The following ZNF148 variants were observed in gnomAD, a reference collection of about 807,000 sequenced individuals.
ZNF148 encodes the protein Beta-Enolase Repressor Factor-1.
ZNF148 carries 7 observed loss-of-function variants against 67.7 expected under a neutral mutation model. The observed-to-expected ratio is 0.10, with a 90% confidence interval of 0.06 to 0.19. The LOEUF (loss-of-function observed/expected upper bound fraction) is 0.19, where lower values mean the gene tolerates loss of function less well. Ranked by LOEUF, ZNF148 falls within the 10% of genes least tolerant of loss-of-function variation. ZNF148 has a pLI of 1.00. For missense variants in ZNF148, 583 were observed against 947.1 expected (o/e 0.62, Z 5.05); for synonymous variants, 333 against 330.7 (o/e 1.01, Z -0.08).
At chr3:125,312,079 T>G (rs1044494792) in intron 4 of ZNF148, among the ~76,000 whole-genome samples, 6 of 152,212 alleles carry the variant, frequency 3.9e-5, no homozygotes, top group African/African-American at 1.2e-4. Flanking sequence ...GAATACTTGC[T>G]AATTTATTCT....
intron 1 of ZNF148, among the ~76,000 whole-genome samples, chr3:125,343,387 T>A (rs1396475432): frequency 6.6e-6 from 1 of 152,112 alleles, no homozygotes; most frequent in African/African-American, 2.4e-5. Flanking sequence ...GGAGAACTTT[T>A]CTGTCTTACA....
chr3:125,243,628 C>T (rs2107532296), intron 7 of ZNF148, among the ~76,000 whole-genome samples: 1 of 152,224 alleles, frequency 6.6e-6, no homozygotes, highest in East Asian at 1.9e-4. Flanking sequence ...TCAAGTGATC[C>T]TCCCCAACTT....
chr3:125,260,270 C>T (rs558092280), intron 7 of ZNF148, among the ~76,000 whole-genome samples: 2 of 151,936 alleles, frequency 1.3e-5, no homozygotes, highest in Middle Eastern at 3.4e-3. Flanking sequence ...TGCTGACAGA[C>T]GCTCAACACA....
At position 125,232,617 on chromosome 3, in the gene ZNF148, C is replaced by T. The variant is rs200509881; in HGVS notation, c.2109G>A (p.Gln703=). The T allele has an allele frequency of 9.3e-6, 15 of 1,613,776 alleles. No individual in the cohort carries two copies. The Admixed American group carries it at 1.7e-4, about 18-fold the overall frequency. ...GAGAAGTCACTTGATCCAGAAAGTC[C>T]TGTGTTGATGTGGCAGAAGCATGGT... ...ETNHASATST[Q]DFLDQVTSQK... The change falls in exon 9 of 9, where the codon CAG becomes CAA. Residue 703 remains glutamine, a synonymous_variant. Coordinates refer to ENST00000360647, the MANE Select transcript of ZNF148 (RefSeq NM_021964.3). This position sits in a 1 kb window ranked among gnomAD's most constrained non-coding sequence, Gnocchi z 4.2.
In ZNF148 at chr3:125,329,972, C is replaced by G. The variant is rs532444820; in HGVS notation, c.-153+1186G>C. Among the ~76,000 whole-genome samples the G allele has an allele frequency of 7.2e-5, 11 of 152,148 alleles. No individual in the cohort carries two copies. The East Asian group carries it at 1.4e-3, about 19-fold the overall frequency. On this transcript the variant is annotated intron_variant, in intron 2 of 8. Transcript: ENST00000360647. ...TCTGGAAGGATATACAATGATTATACTGAATGGGGAAGGGTTGGAAAGCCT... is the reference window on the plus strand; with the variant it reads ...TCTGGAAGGATATACAATGATTATAGTGAATGGGGAAGGGTTGGAAAGCCT...
chr3:125,259,652 A>G (rs956068737), intron 7 of ZNF148, among the ~76,000 whole-genome samples: 2 of 152,206 alleles, frequency 1.3e-5, no homozygotes, highest in African/African-American at 4.8e-5. Flanking sequence ...ACCAATGTAC[A>G]TTATCACAAT....
intron 7 of ZNF148, among the ~76,000 whole-genome samples, chr3:125,257,608 T>A (rs1022513781): frequency 2.5e-4 from 34 of 136,828 alleles, no homozygotes; most frequent in Non-Finnish European, 4.8e-4. Context: ...CCAGAGCACA[T>A]ACAGGGGATT....
Position 125,325,521 on chromosome 3 carries a change from G to A in ZNF148, c.-152-2077C>T, listed in dbSNP as rs149524577. On this transcript the variant is annotated intron_variant, in intron 2 of 8. Transcript: ENST00000360647. ...CACTCAGTTGCCCAGGCTGGAGTGC[G>A]ATAGTACAATCTTGGCTCAGTGCAA... is the stretch of plus-strand genomic sequence containing the variant. Among the ~76,000 whole-genome samples, 570 of 152,050 alleles carry A rather than the reference G, an allele frequency of 3.7e-3. 5 individuals are homozygous for A. The highest frequency in any genetic ancestry group is 0.012 in the African/African-American group (518 of 41,468).
chr3:125,248,110 G>A, intron 7 of ZNF148, among the ~76,000 whole-genome samples: 1 of 152,144 alleles, frequency 6.6e-6, no homozygotes, highest in South Asian at 2.1e-4. Flanking sequence ...TAAAGCAACA[G>A]CAGTTACTGT....
At chr3:125,235,796 T>C (rs1387158836) in intron 7 of ZNF148, among the ~76,000 whole-genome samples, 1 of 151,950 alleles carries the variant, frequency 6.6e-6, no homozygotes, top group East Asian at 1.9e-4. Flanking sequence ...TCATGTCCTT[T>C]GTAGGGACAT....
intron 7 of ZNF148, among the ~76,000 whole-genome samples, chr3:125,254,524 A>G (rs1383419771): frequency 2.0e-5 from 3 of 152,168 alleles, no homozygotes; most frequent in African/African-American, 7.2e-5. Flanking sequence ...TGTTCTGTCC[A>G]TTTCTGCTTA....
chr3:125,239,873 T>C (rs1028122476), intron 7 of ZNF148, among the ~76,000 whole-genome samples: 3 of 152,034 alleles, frequency 2.0e-5, no homozygotes, highest in African/African-American at 4.8e-5. Flanking sequence ...ATGCCCCAAA[T>C]AGGCAAATCC....
intron 7 of ZNF148, among the ~76,000 whole-genome samples, chr3:125,242,536 G>A (rs1936413672): frequency 1.3e-5 from 2 of 152,160 alleles, no homozygotes; most frequent in Non-Finnish European, 2.9e-5. Context: ...CAGGAGAATT[G>A]CTTGAATCTG....
At chr3:125,342,402 C>T (rs1941767553) in intron 1 of ZNF148, among the ~76,000 whole-genome samples, 1 of 151,564 alleles carries the variant, frequency 6.6e-6, no homozygotes, top group African/African-American at 2.4e-5. Flanking sequence ...ACACATTACC[C>T]ATAAGGGAAC....
At chr3:125,317,662 T>TATAG (rs752542874) in intron 3 of ZNF148, among the ~76,000 whole-genome samples, 194 of 90,034 alleles carry the variant, frequency 2.2e-3, no homozygotes, top group Admixed American at 8.8e-3. Context: ...TATATATATA[T>TATAG]AGAGAGAGAG....
rs1438971902 is a variant in ZNF148, at chr3:125,313,348, T to C, written c.293A>G (p.Glu98Gly). 6.2e-7 allele frequency: 1 copy of C among 1,614,046 alleles called. No homozygotes were observed. The highest frequency in any genetic ancestry group is 8.5e-7 in the Non-Finnish European group (1 of 1,179,914). Residue 98 changes from glutamate to glycine, a missense_variant, in exon 4 of 9, where the codon GAA (glutamate) becomes GGA (glycine). Coordinates refer to ENST00000360647, the MANE Select transcript of ZNF148 (RefSeq NM_021964.3). ...KNDEEQMETHERLPQGLQYAL... is the reference protein window; with the variant it reads ...KNDEEQMETHGRLPQGLQYAL... Reference sequence around the variant, plus strand: ...ATACTGTAGTCCTTGAGGAAGTCTTTCATGTGTTTCCATCTGCTCTTCATC... The same window carrying C: ...ATACTGTAGTCCTTGAGGAAGTCTTCCATGTGTTTCCATCTGCTCTTCATC...
chr3:125,233,688 C>T lies in ZNF148; in HGVS notation c.1038G>A (p.Leu346=). The change falls in exon 9 of 9, where the codon TTG becomes TTA. Residue 346 remains leucine (L), a synonymous_variant. Coordinates refer to ENST00000360647, the MANE Select transcript of ZNF148 (RefSeq NM_021964.3). This position sits in a 1 kb window ranked among gnomAD's most constrained non-coding sequence, Gnocchi z 5.1. ...CTTTAGTACTTGAAGAATAAAGAGG[C>T]AAGTAATCATTTTTGTCTTTTTTCA... ...SDLKKDKNDY[L]PLYSSSTKVK... is the part of the protein sequence containing the mutation. 2 of 1,613,900 alleles carry T rather than the reference C, an allele frequency of 1.2e-6. No individual in the cohort carries two copies. The highest frequency in any genetic ancestry group is 2.2e-5 in the East Asian group (1 of 44,868).
chr3:125,318,503 G>GA (rs1490713522), intron 3 of ZNF148, among the ~76,000 whole-genome samples: 1 of 67,550 alleles, frequency 1.5e-5, no homozygotes, highest in Non-Finnish European at 3.3e-5. Flanking sequence ...TGATTTGGAA[G>GA]GGAAAAAAAA....
chr3:125,316,111 G>A lies in ZNF148; in HGVS notation c.-16-2455C>T, dbSNP rs913584266. On this transcript the variant is annotated intron_variant, in intron 3 of 8. Coordinates refer to ENST00000360647, the MANE Select transcript of ZNF148 (RefSeq NM_021964.3). ...AATGAGAACATGCATTTGTCTTTCT[G>A]TGCCTGGCTTATTTCATTTAACATA... Among the ~76,000 whole-genome samples the A allele has an allele frequency of 4.6e-5, 7 of 152,148 alleles. No individual in the cohort carries two copies. The East Asian group carries it at 1.4e-3, about 29-fold the overall frequency.
Sources: gnomAD v4.1 joint callset for allele counts (sites outside exome capture counted in the v4.1 genomes callset) on GRCh38, gnomAD v4.1.1 for gene constraint, Gnocchi (gnomAD v3.1) non-coding constraint, MANE v1.5 for transcripts, NCBI Gene and HGNC (gene_info 2026-07-23, HGNC 2026-07-21) for gene names.